The following ZNF469 variants were observed in gnomAD, a reference collection of about 807,000 sequenced individuals.
ZNF469 encodes the protein zinc finger protein 469.
ZNF469 carries 1 observed loss-of-function variant against 1.0 expected under a neutral mutation model. That is an observed-to-expected ratio of 1.00 (90% confidence interval 0.35 to 4.73). The LOEUF (loss-of-function observed/expected upper bound fraction) is 4.73, where lower values mean the gene tolerates loss of function less well. Ranked by LOEUF, ZNF469 falls within the 30% of genes most tolerant of loss-of-function variation. The pLI, the probability that ZNF469 is intolerant of heterozygous loss-of-function variation, is 0.16. For missense variants in ZNF469, 6,100 were observed against 5,356.3 expected (o/e 1.14, Z -4.33); for synonymous variants, 2,703 against 2,363.4 (o/e 1.14, Z -4.17).
Position 88,437,368 on chromosome 16 carries a change from G to A in ZNF469, c.9898G>A (p.Gly3300Ser). ...SASATALADA[G>S]SPGPPRTTPS... ...CTCTGCCACCGCCCTGGCTGACGCC[G>A]GCAGCCCGGGCCCCCCCAGGACGAC... Residue 3300 changes from glycine to serine, a missense_variant, in exon 3 of 3, where the codon GGC (glycine) becomes AGC (serine). Transcript: ENST00000565624. The A allele has an allele frequency of 6.5e-7, 1 of 1,540,340 alleles. No homozygotes were observed.
chr16:88,429,739 C>T lies in ZNF469; in HGVS notation c.2269C>T (p.Leu757=), dbSNP rs1439150895. The part of the protein sequence containing the change: ...LAHRQFCGLL[L]ARAKDGHQRS... ...CCACCGGCAGTTCTGTGGCCTGCTC[C>T]TGGCCAGGGCCAAGGATGGCCACCA... is the stretch of plus-strand genomic sequence containing the variant. The change falls in exon 3 of 3, where the codon CTG becomes TTG. Residue 757 remains leucine, a synonymous_variant. Transcript: ENST00000565624. 1.9e-6 allele frequency: 3 copies of T among 1,544,598 alleles called. No homozygotes were observed. Among genetic ancestry groups the T allele is most frequent in the East Asian group, 2.5e-5 (1 of 40,816 alleles).
At chr16:88,272,788 G>A in the ZNF469 span, among the ~76,000 whole-genome samples, 614 of 148,832 alleles carry the variant, frequency 4.1e-3, 5 homozygotes, top group African/African-American at 0.014. Context: ...GTGGATGAAC[G>A]GGTGGGTGTG....
chr16:88,128,279 G>C, the ZNF469 span, among the ~76,000 whole-genome samples: 2 of 152,162 alleles, frequency 1.3e-5, no homozygotes, highest in African/African-American at 2.4e-5. Context: ...GGAGAAGTAG[G>C]GGGTGATCCT....
chr16:88,156,644 G>C, the ZNF469 span, among the ~76,000 whole-genome samples: 1 of 152,342 alleles, frequency 6.6e-6, no homozygotes, highest in East Asian at 1.9e-4. Flanking sequence ...TAATTCACAG[G>C]AGGGATGTCT....
the ZNF469 span, among the ~76,000 whole-genome samples, chr16:88,213,120 A>G: frequency 6.7e-6 from 1 of 149,922 alleles, no homozygotes; most frequent in Admixed American, 6.6e-5. Context: ...TTTCTTTGAG[A>G]TGGAGTCTCG....
intron 1 of ZNF469, among the ~76,000 whole-genome samples, chr16:88,395,004 G>A (rs1319442593): frequency 6.6e-6 from 1 of 152,208 alleles, no homozygotes; most frequent in East Asian, 1.9e-4. Context: ...TCTGGGATCT[G>A]GGCTTTGCTG....
the ZNF469 span, among the ~76,000 whole-genome samples, chr16:88,263,667 G>C: frequency 6.6e-6 from 1 of 152,106 alleles, no homozygotes; most frequent in South Asian, 2.1e-4. Context: ...TCCCTTTTCC[G>C]GGGGGTCCAG....
chr16:88,351,773 T>TA, the ZNF469 span, among the ~76,000 whole-genome samples: 1 of 144,254 alleles, frequency 6.9e-6, no homozygotes, highest in Non-Finnish European at 1.5e-5. Flanking sequence ...GGCTCCAGGG[T>TA]TTGAGGCCGG....
chr16:88,357,628 G>T, the ZNF469 span, among the ~76,000 whole-genome samples: 8 of 152,022 alleles, frequency 5.3e-5, no homozygotes, highest in African/African-American at 1.7e-4. Context: ...AGGGGAAGAG[G>T]GGGGGCCCGG....
chr16:88,174,146 T>C, the ZNF469 span, among the ~76,000 whole-genome samples: 1 of 151,970 alleles, frequency 6.6e-6, no homozygotes, highest in Non-Finnish European at 1.5e-5. Context: ...AGTAAGAGGG[T>C]AGAAAAAAGA....
At chr16:88,200,062 C>T in the ZNF469 span, among the ~76,000 whole-genome samples, 29 of 152,146 alleles carry the variant, frequency 1.9e-4, no homozygotes, top group Non-Finnish European at 3.7e-4. Context: ...GTCAAACAGG[C>T]GAGGGCTGGG....
the ZNF469 span, among the ~76,000 whole-genome samples, chr16:88,237,764 CTGCCA>C: frequency 9.9e-5 from 12 of 121,492 alleles, no homozygotes; most frequent in African/African-American, 1.6e-4. Context: ...CTCCTTGCTC[CTGCCA>C]CTCACCCTCC....
At chr16:88,259,809 TG>T in the ZNF469 span, among the ~76,000 whole-genome samples, 1 of 152,178 alleles carries the variant, frequency 6.6e-6, no homozygotes, top group Non-Finnish European at 1.5e-5. This position sits in a 1 kb window ranked among gnomAD's most constrained non-coding sequence, Gnocchi z 4.1. Flanking sequence ...GACCCTGGGG[TG>T]GGGGGCTGCA....
chr16:88,250,107 A>G, the ZNF469 span, among the ~76,000 whole-genome samples: 1 of 152,244 alleles, frequency 6.6e-6, no homozygotes, highest in Non-Finnish European at 1.5e-5. Context: ...GAAGCTGTAT[A>G]TATCTAATGC....
the ZNF469 span, among the ~76,000 whole-genome samples, chr16:88,229,565 T>TCA: frequency 6.9e-5 from 7 of 101,594 alleles, no homozygotes; most frequent in South Asian, 3.6e-4. Context: ...CGTGTGGATG[T>TCA]CACGCTTGTG....
At chr16:88,305,296 G>C in the ZNF469 span, among the ~76,000 whole-genome samples, 7 of 107,400 alleles carry the variant, frequency 6.5e-5, no homozygotes. Context: ...ACACACACAC[G>C]CACACCCTCA....
At position 88,430,932 on chromosome 16, in the gene ZNF469, C is replaced by A. The variant is rs748507690; in HGVS notation, c.3462C>A (p.Asn1154Lys). 6.5e-7 allele frequency: 1 copy of A among 1,535,868 alleles called. No individual in the cohort carries two copies. Among genetic ancestry groups the A allele is most frequent in the Non-Finnish European group, 8.7e-7 (1 of 1,145,132 alleles). ...QEAGGDGAPA[N>K]PEEPGGSRPG... ...CCGGCGGGGACGGAGCCCCCGCGAA[C>A]CCCGAGGAGCCGGGCGGGTCTCGCC... is the stretch of plus-strand genomic sequence containing the variant. The change falls in exon 3 of 3, where the codon AAC becomes AAA. Residue 1154 changes from asparagine (N) to lysine (K), a missense_variant. Physicochemically the swap from Asn to Lys is moderately conservative, Grantham distance 94. Transcript: ENST00000565624.
At chr16:88,391,401 A>T (rs1022597153) in intron 1 of ZNF469, among the ~76,000 whole-genome samples, 1 of 152,264 alleles carries the variant, frequency 6.6e-6, no homozygotes. Context: ...CCCAGCATCC[A>T]CAGGCTCAAG....
At chr16:88,208,086 A>G in the ZNF469 span, among the ~76,000 whole-genome samples, 1 of 152,092 alleles carries the variant, frequency 6.6e-6, no homozygotes, top group Non-Finnish European at 1.5e-5. Flanking sequence ...ATATATTTAC[A>G]TTAGTGTGGA....
Sources: allele counts gnomAD v4.1 joint callset (sites outside exome capture counted in the v4.1 genomes callset), GRCh38; gene constraint gnomAD v4.1.1; non-coding constraint Gnocchi (gnomAD v3.1); transcripts MANE v1.5; gene names NCBI Gene and HGNC (gene_info 2026-07-23, HGNC 2026-07-21).